Variants in KHDRBS1 observed in about 807,000 individuals in gnomAD.
KHDRBS1 encodes the protein KH RNA binding domain containing, signal transduction associated 1.
In KHDRBS1, 7 loss-of-function variants were observed where a neutral mutation model predicts 48.4. The observed-to-expected ratio is 0.14, with a 90% confidence interval of 0.08 to 0.27. The LOEUF (loss-of-function observed/expected upper bound fraction) is 0.27. Ranked by LOEUF, KHDRBS1 falls within the 10% of genes least tolerant of loss-of-function variation. The probability of loss-of-function intolerance (pLI) is 1.00; values close to 1 mark genes in which losing one functional copy is unlikely to be tolerated. For synonymous variants in KHDRBS1, 241 were observed against 235.8 expected (o/e 1.02, Z -0.20); for missense variants, 458 against 601.2 (o/e 0.76, Z 2.49).
intron 1 of KHDRBS1, among the ~76,000 whole-genome samples, chr1:32,025,945 AT>A (rs1638961634): frequency 1.3e-5 from 2 of 148,326 alleles, no homozygotes; most frequent in East Asian, 3.9e-4. Context: ...TTATTTATTT[AT>A]TTATTTATTT....
At position 32,013,898 on chromosome 1, in the gene KHDRBS1, T is replaced by C. The variant is rs1180980879; in HGVS notation, c.-98T>C. On this transcript the variant is annotated 5_prime_UTR_variant, in exon 1 of 9. Coordinates refer to ENST00000327300, the MANE Select transcript of KHDRBS1 (RefSeq NM_006559.3). ...GCTGGGTCGCTCGGGTCGGCTTCGG[T>C]CGCTACCGCTCCCGCTCTGCCACCC... 3 of 1,204,252 alleles carry C rather than the reference T, an allele frequency of 2.5e-6. No homozygotes were observed. The African/African-American group carries it at 4.8e-5, about 19-fold the overall frequency. The allele number at this position is 1,204,252 out of a possible 1,614,324, so 74.6% of individuals were successfully genotyped here. A position where few individuals can be genotyped will look rare whatever the true frequency, so the allele number is the denominator to read the frequency against.
intron 7 of KHDRBS1, among the ~76,000 whole-genome samples, chr1:32,039,053 A>G (rs1172144796): frequency 6.6e-6 from 1 of 152,242 alleles, no homozygotes; most frequent in Non-Finnish European, 1.5e-5. Flanking sequence ...AAAGCTCCAT[A>G]AAATTTTACA....
chr1:32,030,292 A>T lies in KHDRBS1; in HGVS notation c.383-6A>T, dbSNP rs1182309292. ...AGGGCAAAAATAAATTGTTTTTCCT[A>T]TTCAGAAATTGAGAAGATTCAGAAA... On this transcript the variant is annotated splice_polypyrimidine_tract_variant and splice_region_variant and intron_variant, in intron 1 of 8. Coordinates refer to ENST00000327300, the MANE Select transcript of KHDRBS1 (RefSeq NM_006559.3). 1 of 1,600,566 alleles carries T rather than the reference A, an allele frequency of 6.2e-7. No homozygotes were observed. The highest frequency in any genetic ancestry group is 8.5e-7 in the Non-Finnish European group (1 of 1,175,434).
At position 32,038,472 on chromosome 1, in the gene KHDRBS1, A is replaced by G. The variant is rs1010945110; in HGVS notation, c.1108-80A>G. 1.3e-5 allele frequency: 18 copies of G among 1,335,254 alleles called. No homozygotes were observed. In the Admixed American group the frequency reaches 3.1e-4, roughly 23 times the overall value. The allele number at this position is 1,335,254 out of a possible 1,614,324, so 82.7% of individuals were successfully genotyped here. A position where few individuals can be genotyped will look rare whatever the true frequency, so the allele number is the denominator to read the frequency against. The stretch of plus-strand genomic sequence containing the variant: ...GTCCTTTTAATTCAGAAGCCTACTT[A>G]CTCCCATGGGATGTAATTACCTTTC... On this transcript the variant is annotated intron_variant, in intron 6 of 8. Transcript: ENST00000327300.
intron 4 of KHDRBS1, among the ~76,000 whole-genome samples, chr1:32,036,568 A>G (rs796781342): frequency 2.6e-5 from 4 of 152,292 alleles, no homozygotes; most frequent in African/African-American, 9.6e-5. Context: ...TTATTCCAGG[A>G]AAAGGAAACT....
chr1:32,030,444 A>C, intron 2 of KHDRBS1, 22 bp downstream of exon 2: 1 of 1,588,354 alleles, frequency 6.3e-7, no homozygotes, highest in African/African-American at 1.4e-5. Context: ...AGTGCTTTGG[A>C]TCTTTGAGTT....
Position 32,013,941 on chromosome 1 carries a change from G to A in KHDRBS1, c.-55G>A, listed in dbSNP as rs924437024. 1.5e-6 allele frequency: 2 copies of A among 1,375,486 alleles called. No homozygotes were observed. Among genetic ancestry groups the A allele is most frequent in the Non-Finnish European group, 1.9e-6 (2 of 1,067,064 alleles). The allele number at this position is 1,375,486 out of a possible 1,614,324, so 85.2% of individuals were successfully genotyped here. ...TGCCACCCCCGCCAACCGCCGCTCG[G>A]GCCTCCGTCGCTGCCGCGTCGCTTT... On this transcript the variant is annotated 5_prime_UTR_variant, in exon 1 of 9. Transcript: ENST00000327300.
chr1:32,035,925 G>A (rs772024241), intron 4 of KHDRBS1, among the ~76,000 whole-genome samples: 2 of 152,102 alleles, frequency 1.3e-5, no homozygotes, highest in Non-Finnish European at 2.9e-5. Context: ...CACTTATTTA[G>A]GCAAGTCTTG....
chr1:32,031,676 A>T, intron 3 of KHDRBS1, 36 bp downstream of exon 3: 3 of 1,342,408 alleles, frequency 2.2e-6, no homozygotes, highest in Non-Finnish European at 3.1e-6. Context: ...GGACATCCTA[A>T]TGCCTTCTAC....
chr1:32,050,896 A>T (rs1639411209), intron 10 of KHDRBS1, among the ~76,000 whole-genome samples: 1 of 145,776 alleles, frequency 6.9e-6, no homozygotes, highest in South Asian at 2.2e-4. Context: ...GGTTCAAATT[A>T]TTATTTTTTT....
chr1:32,016,795 C>A (rs981729668), intron 1 of KHDRBS1, among the ~76,000 whole-genome samples: 1 of 152,168 alleles, frequency 6.6e-6, no homozygotes, highest in Non-Finnish European at 1.5e-5. Flanking sequence ...TTGTTGATTA[C>A]CCATTCTCCA....
rs772060487 is a variant in KHDRBS1 at position 32,014,351 on chromosome 1, C to T, written c.356C>T (p.Thr119Ile). ...AAGGACTCGCTCGACCCGTCCTTCA[C>T]TCACGCCATGCAGCTGCTGACGGCA... ...AEKDSLDPSF[T>I]HAMQLLTAEI... is the part of the protein sequence containing the mutation. Residue 119 changes from threonine (T) to isoleucine (I), a missense_variant, in exon 1 of 9, where the codon ACT becomes ATT. By Grantham distance (89) the Thr-to-Ile change is moderately conservative. Coordinates refer to ENST00000327300, the MANE Select transcript of KHDRBS1 (RefSeq NM_006559.3). The T allele has an allele frequency of 2.6e-6, 4 of 1,521,312 alleles. No individual in the cohort carries two copies. The highest frequency in any genetic ancestry group is 5.2e-5 in the East Asian group (2 of 38,694). The allele number at this position is 1,521,312 out of a possible 1,614,324, so 94.2% of individuals were successfully genotyped here.
chr1:32,029,689 G>A (rs939877165), intron 1 of KHDRBS1, among the ~76,000 whole-genome samples: 6 of 152,138 alleles, frequency 3.9e-5, no homozygotes, highest in African/African-American at 1.4e-4. Context: ...TGTGCATTTT[G>A]TATCATTTAG....
chr1:32,046,476 A>T (rs1468126084), downstream of KHDRBS1, among the ~76,000 whole-genome samples: 1 of 152,192 alleles, frequency 6.6e-6, no homozygotes, highest in African/African-American at 2.4e-5. Flanking sequence ...TGGCCTCCCA[A>T]AGTGCTGAGA....
At chr1:32,038,097 A>AT in intron 6 of KHDRBS1, 61 bp downstream of exon 6, 1 of 1,599,962 alleles carries the variant, frequency 6.3e-7, no homozygotes, top group Non-Finnish European at 8.5e-7. Context: ...AGGAAGTTGA[A>AT]TGACAGGGCC....
downstream of KHDRBS1, among the ~76,000 whole-genome samples, chr1:32,047,657 A>C (rs1639373024): frequency 6.6e-6 from 1 of 152,242 alleles, no homozygotes; most frequent in East Asian, 1.9e-4. Context: ...TAACAGAGTT[A>C]GTAAGTATCT....
At chr1:32,030,229 T>C (rs796168464) in intron 1 of KHDRBS1, 69 bp from the exon 2 acceptor site, 24 of 1,341,348 alleles carry the variant, frequency 1.8e-5, no homozygotes, top group African/African-American at 1.2e-4. Flanking sequence ...TTCCATGTTA[T>C]TGCTTTAAGC....
chr1:32,047,439 G>A (rs1407047029), downstream of KHDRBS1, among the ~76,000 whole-genome samples: 3 of 152,166 alleles, frequency 2.0e-5, no homozygotes, highest in African/African-American at 7.2e-5. Context: ...GATCACAGGC[G>A]TGAGCCACTG....
chr1:32,025,528 T>G (rs1049966965), intron 1 of KHDRBS1, among the ~76,000 whole-genome samples: 1 of 151,138 alleles, frequency 6.6e-6, no homozygotes, highest in Admixed American at 6.6e-5. Context: ...CTCGAACTCC[T>G]GACCTCAGGT....
Sources: gnomAD v4.1 joint callset for allele counts (sites outside exome capture counted in the v4.1 genomes callset) on GRCh38, gnomAD v4.1.1 for gene constraint, MANE v1.5 for transcripts, NCBI Gene and HGNC (gene_info 2026-07-23, HGNC 2026-07-21) for gene names.